ARHGAP24: variants seen among roughly 807,000 people sequenced by gnomAD.
ARHGAP24 encodes the protein Rho GTPase activating protein 24.
A neutral mutation model predicts 76.4 loss-of-function variants in ARHGAP24; 50 were observed. That is an observed-to-expected ratio of 0.65 (90% confidence interval 0.52 to 0.83). The LOEUF is 0.83. Ranked by LOEUF, ARHGAP24 falls within the 40% of genes least tolerant of loss-of-function variation. The pLI, the probability that ARHGAP24 is intolerant of heterozygous loss-of-function variation, is 0.00. For synonymous variants in ARHGAP24, 345 were observed against 323.3 expected (o/e 1.07, Z -0.72); for missense variants, 930 against 914.2 (o/e 1.02, Z -0.22).
chr4:85,480,571 A>T (rs369148296), intron 1 of ARHGAP24, among the ~76,000 whole-genome samples: 2 of 152,242 alleles, frequency 1.3e-5, no homozygotes, highest in African/African-American at 4.8e-5. Context: ...TTTTTTCTTG[A>T]TACAATTAGT....
chr4:85,741,177 C>T (rs1725810294), intron 3 of ARHGAP24, among the ~76,000 whole-genome samples: 1 of 152,090 alleles, frequency 6.6e-6, no homozygotes, highest in South Asian at 2.1e-4. Flanking sequence ...GTTTTCCTTC[C>T]TTCGGCACCA....
intron 2 of ARHGAP24, among the ~76,000 whole-genome samples, chr4:85,693,314 G>T (rs1036692463): frequency 6.6e-6 from 1 of 152,166 alleles, no homozygotes; most frequent in Non-Finnish European, 1.5e-5. Context: ...GTTCTGGGAT[G>T]CAGGGCTCAC....
intron 3 of ARHGAP24, among the ~76,000 whole-genome samples, chr4:85,848,231 C>T (rs566598793): frequency 2.6e-5 from 4 of 152,234 alleles, no homozygotes; most frequent in Admixed American, 2.6e-4. Flanking sequence ...ATGTGCACAA[C>T]ATGCAGGTTT....
At chr4:85,785,985 C>CTT (rs34673338) in intron 3 of ARHGAP24, among the ~76,000 whole-genome samples, 1 of 149,664 alleles carries the variant, frequency 6.7e-6, no homozygotes, top group African/African-American at 2.5e-5. Context: ...CCACTACTAC[C>CTT]TTTTTTTTTT....
intron 7 of ARHGAP24, among the ~76,000 whole-genome samples, chr4:85,976,329 G>A (rs755560692): frequency 4.6e-5 from 7 of 152,050 alleles, no homozygotes; most frequent in African/African-American, 9.7e-5. Context: ...TTAAGTGTAC[G>A]GCCTCTGGTG....
chr4:85,671,602 A>G (rs1578128500), intron 2 of ARHGAP24, among the ~76,000 whole-genome samples: 1 of 152,196 alleles, frequency 6.6e-6, no homozygotes, highest in Non-Finnish European at 1.5e-5. Flanking sequence ...TTTTGGAGCT[A>G]TGAGCACAGG....
intron 5 of ARHGAP24, among the ~76,000 whole-genome samples, chr4:85,956,642 C>T (rs1375656865): frequency 6.6e-6 from 1 of 152,200 alleles, no homozygotes; most frequent in African/African-American, 2.4e-5. Context: ...AACCGTGGAA[C>T]CCAGTGACTA....
intron 3 of ARHGAP24, among the ~76,000 whole-genome samples, chr4:85,777,361 G>A (rs1727347254): frequency 6.7e-6 from 1 of 149,436 alleles, no homozygotes; most frequent in Non-Finnish European, 1.5e-5. Context: ...ATAGGTAACA[G>A]TTTGAAAATA....
intron 1 of ARHGAP24, among the ~76,000 whole-genome samples, chr4:85,506,815 C>T (rs974746126): frequency 5.9e-5 from 9 of 152,146 alleles, no homozygotes; most frequent in African/African-American, 9.7e-5. Context: ...AGAAATCACC[C>T]GTCTTCTGCA....
intron 1 of ARHGAP24, among the ~76,000 whole-genome samples, chr4:85,502,307 C>G (rs1008896648): frequency 6.6e-6 from 1 of 152,078 alleles, no homozygotes; most frequent in Non-Finnish European, 1.5e-5. Flanking sequence ...TATAAATTAC[C>G]TTGGGCAGTA....
chr4:85,586,941 T>A (rs2109977021), intron 2 of ARHGAP24, among the ~76,000 whole-genome samples: 1 of 152,270 alleles, frequency 6.6e-6, no homozygotes, highest in African/African-American at 2.4e-5. Context: ...TGAAAATTGC[T>A]TAATTCACAT....
At position 85,515,684 on chromosome 4, in the gene ARHGAP24, G is replaced by C. The variant is rs1724470880; in HGVS notation, c.-21+40125G>C. ...GGTGTATCCTAGTTTTTTTCTGTCA[G>C]TCTCCTATGGATGGGCGTTTATGCT... On this transcript the variant is annotated intron_variant, in intron 1 of 9. Coordinates refer to ENST00000395184, the MANE Select transcript of ARHGAP24 (RefSeq NM_001025616.3). Among the ~76,000 whole-genome samples the C allele has an allele frequency of 2.0e-5, 3 of 151,838 alleles. No individual in the cohort carries two copies. In the East Asian group the frequency reaches 5.8e-4, roughly 29 times the overall value.
intron 3 of ARHGAP24, among the ~76,000 whole-genome samples, chr4:85,735,459 A>G (rs1725572368): frequency 6.6e-6 from 1 of 151,816 alleles, no homozygotes; most frequent in South Asian, 2.1e-4. Flanking sequence ...TTATCCATTG[A>G]TTACATTTTA....
intron 2 of ARHGAP24, among the ~76,000 whole-genome samples, chr4:85,612,386 C>T (rs1303928331): frequency 6.6e-6 from 1 of 151,714 alleles, no homozygotes; most frequent in African/African-American, 2.4e-5. Context: ...GCACTCCACT[C>T]GGCGTGGAGT....
intron 2 of ARHGAP24, among the ~76,000 whole-genome samples, chr4:85,623,759 T>C (rs973714447): frequency 2.1e-4 from 32 of 151,996 alleles, no homozygotes; most frequent in African/African-American, 7.5e-4. Flanking sequence ...TATCTTCTTT[T>C]ATTTCATTGA....
intron 9 of ARHGAP24, among the ~76,000 whole-genome samples, chr4:85,996,828 C>T (rs1364829042): frequency 6.6e-6 from 1 of 152,092 alleles, no homozygotes; most frequent in Non-Finnish European, 1.5e-5. Flanking sequence ...TACTGCCAAT[C>T]CATGATGATA....
rs1739406411 is a variant in ARHGAP24 at position 85,977,441 on chromosome 4, T to A, written c.807-129T>A. The A allele has an allele frequency of 7.4e-6, 8 of 1,077,596 alleles. No homozygotes were observed. In the South Asian group the frequency reaches 8.1e-5, roughly 11 times the overall value. The allele number at this position is 1,077,596 out of a possible 1,614,324, so 66.8% of individuals were successfully genotyped here. A position where few individuals can be genotyped will look rare whatever the true frequency, so the allele number is the denominator to read the frequency against. On this transcript the variant is annotated intron_variant, in intron 7 of 9. Transcript: ENST00000395184. ...TGTTTGAGTGAGAGATGGGTGAACA[T>A]CCAAATAATTCTGTCTCCATAGTCA...
chr4:85,511,224 C>T (rs1724269582), intron 1 of ARHGAP24, among the ~76,000 whole-genome samples: 1 of 152,068 alleles, frequency 6.6e-6, no homozygotes, highest in South Asian at 2.1e-4. Flanking sequence ...AATCTGTCTT[C>T]TGGAGATCTT....
At chr4:85,607,065 T>A (rs1720219506) in intron 2 of ARHGAP24, among the ~76,000 whole-genome samples, 1 of 152,230 alleles carries the variant, frequency 6.6e-6, no homozygotes, top group African/African-American at 2.4e-5. Context: ...GTTTGATTTG[T>A]CTTTGGTGAG....
Sources: gnomAD v4.1 joint callset for allele counts (sites outside exome capture counted in the v4.1 genomes callset) on GRCh38, gnomAD v4.1.1 for gene constraint, MANE v1.5 for transcripts, NCBI Gene and HGNC (gene_info 2026-07-23, HGNC 2026-07-21) for gene names.